Variants in SCMH1 observed in about 807,000 individuals in gnomAD.
SCMH1 encodes polycomb protein SCMH1.
Under a neutral mutation model 70.8 loss-of-function variants are expected in SCMH1, and 37 were observed. The ratio of observed to expected loss-of-function variants is 0.52; its 90% CI spans 0.40 to 0.69. The LOEUF is 0.69. SCMH1 is among the 30% of genes least tolerant of loss of function. The pLI is 0.00. For missense variants in SCMH1, 607 were observed against 827.3 expected, an observed-to-expected ratio of 0.73 and a Z score of 3.27; for synonymous variants, 292 against 307.4, an observed-to-expected ratio of 0.95 and a Z score of 0.52.
intron 10 of SCMH1, among the ~76,000 whole-genome samples, chr1:41,056,013 C>G (rs1650134993): frequency 6.6e-6 from 1 of 152,138 alleles, no homozygotes; most frequent in Non-Finnish European, 1.5e-5. Flanking sequence ...TAAAATATGG[C>G]CCATATTATT....
intron 1 of SCMH1, among the ~76,000 whole-genome samples, chr1:41,192,495 G>GACACACACACACACACACAC (rs55940657): frequency 9.6e-4 from 143 of 148,742 alleles, no homozygotes; most frequent in South Asian, 3.6e-3. Flanking sequence ...TTAAATAGGA[G>GACACACACACACACACACAC]ACACACACAC....
At chr1:41,148,144 T>G (rs1299562012) in intron 5 of SCMH1, among the ~76,000 whole-genome samples, 1 of 152,212 alleles carries the variant, frequency 6.6e-6, no homozygotes, top group Admixed American at 6.5e-5. Context: ...AAGATAGTAC[T>G]ACTTCATGCA....
chr1:41,044,225 T>C (rs1025905359), intron 12 of SCMH1, among the ~76,000 whole-genome samples: 2 of 151,970 alleles, frequency 1.3e-5, no homozygotes, highest in African/African-American at 4.8e-5. Flanking sequence ...GGAGGGCCAG[T>C]AAGCACCCAG....
intron 8 of SCMH1, among the ~76,000 whole-genome samples, chr1:41,109,180 T>G (rs3904243): frequency 0.11 from 16,521 of 152,256 alleles, 1,278 homozygotes; most frequent in East Asian, 0.28. Context: ...GTCATTTAAT[T>G]ATCTGAGCTT....
intron 1 of SCMH1, among the ~76,000 whole-genome samples, chr1:41,234,595 C>T (rs1661973743): frequency 6.6e-6 from 1 of 151,264 alleles, no homozygotes; most frequent in South Asian, 2.1e-4. Flanking sequence ...CTGCCTCAGA[C>T]TCCGGAGTTG....
chr1:41,166,603 T>G (rs916345406), intron 2 of SCMH1, among the ~76,000 whole-genome samples: 1 of 151,996 alleles, frequency 6.6e-6, no homozygotes, highest in African/African-American at 2.4e-5. Flanking sequence ...TAGAAGTAAG[T>G]GGTATTGTAA....
In SCMH1 at chr1:41,145,079, T is replaced by C. The variant is rs114595075; in HGVS notation, c.178-1967A>G. On this transcript the variant is annotated intron_variant, in intron 5 of 14. Transcript: ENST00000337495. ...CTGATGGTGTGGAAACAAAAATCTT[T>C]TAATTTTGATGAAGTTTAAATTATC... 7.7e-3 allele frequency among the ~76,000 whole-genome samples: 1,179 copies of C among 152,320 alleles called. 20 individuals carry two copies. The highest frequency in any genetic ancestry group is 0.027 in the African/African-American group (1,135 of 41,584).
Position 41,070,274 on chromosome 1 carries a change from C to T in SCMH1, c.1105+321G>A, listed in dbSNP as rs145584283. Among the ~76,000 whole-genome samples, 27 of 151,888 alleles carry T rather than the reference C, an allele frequency of 1.8e-4. No homozygotes were observed. In the East Asian group the frequency reaches 5.0e-3, roughly 28 times the overall value. ...ACATATTTTAAGGGTGGCACCATTA[C>T]TGAAATGCTGGGAGGATTCTGGAAG... On this transcript the variant is annotated intron_variant, in intron 10 of 14. Transcript: ENST00000337495.
At chr1:41,123,459 A>T (rs1329770221) in intron 6 of SCMH1, among the ~76,000 whole-genome samples, 1 of 152,100 alleles carries the variant, frequency 6.6e-6, no homozygotes, top group Non-Finnish European at 1.5e-5. Flanking sequence ...GCTAGCTTCT[A>T]CTCCAGCTCA....
intron 1 of SCMH1, among the ~76,000 whole-genome samples, chr1:41,223,734 G>T (rs1659727702): frequency 6.6e-6 from 1 of 151,992 alleles, no homozygotes; most frequent in African/African-American, 2.4e-5. Flanking sequence ...TATTAGATGG[G>T]ATTAATTCCT....
At chr1:41,241,443 G>A (rs980682400) in intron 1 of SCMH1, among the ~76,000 whole-genome samples, 22 of 152,214 alleles carry the variant, frequency 1.4e-4, no homozygotes, top group South Asian at 1.0e-3. Context: ...TCGGCCAGCC[G>A]GGGCCCAGCC....
intron 5 of SCMH1, among the ~76,000 whole-genome samples, chr1:41,146,685 G>A (rs1253036853): frequency 1.3e-5 from 2 of 152,080 alleles, no homozygotes; most frequent in African/African-American, 4.8e-5. Context: ...TATGGTCTAG[G>A]TGTGTAGTAG....
At chr1:41,164,390 C>T (rs1417551600) in intron 2 of SCMH1, among the ~76,000 whole-genome samples, 1 of 152,000 alleles carries the variant, frequency 6.6e-6, no homozygotes, top group Admixed American at 6.6e-5. Flanking sequence ...GTATCTTTCT[C>T]TCTCTCCTCA....
At chr1:41,161,464 A>G (rs946827171) in intron 2 of SCMH1, 32 bp from the exon 3 acceptor site, 4 of 1,534,406 alleles carry the variant, frequency 2.6e-6, no homozygotes, top group Non-Finnish European at 3.5e-6. Flanking sequence ...GTCATGTGGA[A>G]AGAAAGTATA....
intron 1 of SCMH1, among the ~76,000 whole-genome samples, chr1:41,203,255 AAGAAAATTCACAT>A (rs1183899120): frequency 2.0e-5 from 3 of 152,306 alleles, no homozygotes; most frequent in Admixed American, 1.3e-4. Context: ...ACACTTGAAA[AAGAAAATTCACAT>A]AGAAAATTCA....
At chr1:41,120,206 G>A (rs939077101) in intron 6 of SCMH1, among the ~76,000 whole-genome samples, 2 of 152,040 alleles carry the variant, frequency 1.3e-5, no homozygotes, top group African/African-American at 4.8e-5. Context: ...TTGAGGTAGG[G>A]GTTACTGGGG....
intron 1 of SCMH1, among the ~76,000 whole-genome samples, chr1:41,235,187 T>C (rs1662112427): frequency 6.6e-6 from 1 of 152,178 alleles, no homozygotes; most frequent in Non-Finnish European, 1.5e-5. Context: ...AATTTTATGG[T>C]TCACTCTAAT....
At chr1:41,056,838 C>T (rs34486565) in intron 10 of SCMH1, among the ~76,000 whole-genome samples, 16,514 of 152,196 alleles carry the variant, frequency 0.11, 1,274 homozygotes, top group East Asian at 0.28. Flanking sequence ...AGGAGCTCAA[C>T]CGGATTCTCA....
At chr1:41,229,149 T>C (rs1660828641) in intron 1 of SCMH1, among the ~76,000 whole-genome samples, 1 of 152,100 alleles carries the variant, frequency 6.6e-6, no homozygotes, top group Non-Finnish European at 1.5e-5. Context: ...TGAGCCAAGA[T>C]TGTGCCATTG....
Sources: gnomAD v4.1 joint callset for allele counts (sites outside exome capture counted in the v4.1 genomes callset) on GRCh38, gnomAD v4.1.1 for gene constraint, MANE v1.5 for transcripts, NCBI Gene and HGNC (gene_info 2026-07-23, HGNC 2026-07-21) for gene names.